AMZ1: variants seen among roughly 807,000 people sequenced by gnomAD.
AMZ1 encodes archaelysin family metallopeptidase 1.
Under a neutral mutation model 29.9 loss-of-function variants are expected in AMZ1, and 39 were observed. The observed-to-expected ratio is 1.30, with a 90% CI of 1.01 to 1.70. The LOEUF is 1.70. Ranked by LOEUF, AMZ1 falls within the 40% of genes most tolerant of loss-of-function variation. AMZ1 has a pLI of 0.00. For missense variants in AMZ1, 1,041 were observed against 680.6 expected (o/e 1.53, Z -5.89); for synonymous variants, 458 against 304.0 (o/e 1.51, Z -5.27).
In AMZ1 at chr7:2,700,523, T is replaced by C. The variant is rs748124302; in HGVS notation, c.72T>C (p.Thr24=). Reference sequence around the variant, plus strand: ...CCTTGAAGGACGCTCTGGTCTCCACTGACGCAGCCCTGCAGCAGCTGTATG... The same window carrying C: ...CCTTGAAGGACGCTCTGGTCTCCACCGACGCAGCCCTGCAGCAGCTGTATG... ...PRALKDALVS[T]DAALQQLYVS... is the part of the protein sequence containing the mutation. Residue 24 remains threonine (T), a synonymous_variant, in exon 2 of 7, where the codon ACT becomes ACC. Coordinates refer to ENST00000683327, the MANE Select transcript of AMZ1 (RefSeq NM_001384743.1). 1.9e-6 allele frequency: 3 copies of C among 1,608,032 alleles called. No homozygotes were observed. The highest frequency in any genetic ancestry group is 2.2e-5 in the East Asian group (1 of 44,870).
chr7:2,736,646 C>T (rs530027121), intron 4 of AMZ1, among the ~76,000 whole-genome samples: 1 of 152,234 alleles, frequency 6.6e-6, no homozygotes, highest in Admixed American at 6.5e-5. Flanking sequence ...GGCCGACACA[C>T]GCCCATGAGG....
intron 4 of AMZ1, among the ~76,000 whole-genome samples, chr7:2,750,757 T>C (rs946765840): frequency 1.3e-5 from 2 of 152,200 alleles, no homozygotes; most frequent in Admixed American, 6.5e-5. Context: ...AGGGGGACTA[T>C]CGGACAGGCA....
chr7:2,692,091 C>G (rs1007176124), intron 1 of AMZ1, among the ~76,000 whole-genome samples: 1 of 152,200 alleles, frequency 6.6e-6, no homozygotes, highest in Non-Finnish European at 1.5e-5. Context: ...CACCGGTACC[C>G]AGAAACTACA....
intron 3 of AMZ1, among the ~76,000 whole-genome samples, chr7:2,705,576 C>T (rs1788305508): frequency 6.6e-6 from 1 of 152,212 alleles, no homozygotes; most frequent in Non-Finnish European, 1.5e-5. Flanking sequence ...TGTTCTTTAT[C>T]ATTCACTCTG....
At chr7:2,762,696 G>A, upstream of AMZ1, 1 of 1,576,378 alleles carries the variant, frequency 6.3e-7, no homozygotes, top group Non-Finnish European at 8.6e-7. Flanking sequence ...ACGCTGCCCG[G>A]GTGGAGGAGC....
chr7:2,764,485 AGAC>A (rs1363611892), upstream of AMZ1: 1 of 152,186 alleles, frequency 6.6e-6, no homozygotes, highest in Non-Finnish European at 1.5e-5. Context: ...GAATCCTCTG[AGAC>A]GCCCCAGTTG....
In AMZ1 at chr7:2,700,368, C is replaced by G. The variant is rs1279315994; in HGVS notation, c.-84C>G. ...ACTCGGATCAGCCCGAGGGAAGATTCTGGACGAGACCGTGGCCGTCCCCCG... is the reference window on the plus strand; with the variant it reads ...ACTCGGATCAGCCCGAGGGAAGATTGTGGACGAGACCGTGGCCGTCCCCCG... On this transcript the variant is annotated 5_prime_UTR_variant, in exon 2 of 7. Transcript: ENST00000683327. The G allele has an allele frequency of 6.7e-7, 1 of 1,485,924 alleles. No homozygotes were observed. The highest frequency in any genetic ancestry group is 9.0e-7 in the Non-Finnish European group (1 of 1,109,194). The allele number at this position is 1,485,924 out of a possible 1,614,324, so 92.0% of individuals were successfully genotyped here.
intron 1 of AMZ1, among the ~76,000 whole-genome samples, chr7:2,682,301 A>G (rs1786911410): frequency 7.5e-6 from 1 of 133,198 alleles, no homozygotes; most frequent in African/African-American, 2.8e-5. Flanking sequence ...GGGGGGTGGG[A>G]ACTGCAGCTC....
At chr7:2,757,821 GT>G (rs1300740494) in intron 4 of AMZ1, among the ~76,000 whole-genome samples, 1 of 152,138 alleles carries the variant, frequency 6.6e-6, no homozygotes, top group Non-Finnish European at 1.5e-5. Context: ...CGCTTGCTGA[GT>G]CAATGAAGAC....
rs74422448 is a variant in AMZ1 at position 2,714,194 on chromosome 7, G to A, written c.*1316G>A. 2,256 of 152,420 alleles carry A rather than the reference G, an allele frequency of 0.015. 29 individuals are homozygous for A. The highest frequency in any genetic ancestry group is 0.025 in the Non-Finnish European group (1,726 of 68,050). The allele number at this position is 152,420 out of a possible 1,614,324, so 9.4% of individuals were successfully genotyped here. ...TGACGAGGGCGGGGTCACAGCTCGCGCACCCTCATCTGGAGAGAGGCAAGA... is the reference window on the plus strand; with the variant it reads ...TGACGAGGGCGGGGTCACAGCTCGCACACCCTCATCTGGAGAGAGGCAAGA... On this transcript the variant is annotated 3_prime_UTR_variant, in exon 7 of 7. Transcript: ENST00000683327.
chr7:2,722,271 C>T (rs769529529), downstream of AMZ1, among the ~76,000 whole-genome samples: 2 of 143,216 alleles, frequency 1.4e-5, no homozygotes, highest in South Asian at 2.1e-4. Context: ...AAGGGCATTT[C>T]GAATTTTTTT....
intron 1 of AMZ1, among the ~76,000 whole-genome samples, chr7:2,691,378 C>T (rs566339043): frequency 6.7e-6 from 1 of 148,202 alleles, no homozygotes; most frequent in African/African-American, 2.6e-5. Context: ...CTCTCTGAGC[C>T]TCAGTCTCCT....
At chr7:2,727,541 G>C (rs763217032) in intron 4 of AMZ1, among the ~76,000 whole-genome samples, 9 of 151,990 alleles carry the variant, frequency 5.9e-5, no homozygotes, top group Admixed American at 1.3e-4. Flanking sequence ...ATGCCCAGCT[G>C]ATTCTATCCG....
chr7:2,756,604 C>CACAA (rs1415305327), intron 4 of AMZ1, among the ~76,000 whole-genome samples: 1 of 127,044 alleles, frequency 7.9e-6, no homozygotes, highest in African/African-American at 2.8e-5. Flanking sequence ...GAGACCCTGT[C>CACAA]TCAAACAAAC....
At chr7:2,757,806 C>A (rs115187003) in intron 4 of AMZ1, among the ~76,000 whole-genome samples, 3 of 152,196 alleles carry the variant, frequency 2.0e-5, no homozygotes, top group Non-Finnish European at 2.9e-5. Flanking sequence ...TTAGTACGTA[C>A]TGAACGCTTG....
intron 6 of AMZ1, among the ~76,000 whole-genome samples, chr7:2,711,269 G>A (rs1273483305): frequency 6.6e-6 from 1 of 152,244 alleles, no homozygotes; most frequent in Admixed American, 6.5e-5. Flanking sequence ...AGGGCTTGGG[G>A]AGGTGCTGGA....
rs548730229 is a variant in AMZ1, at chr7:2,718,948, C to T, written c.*6070C>T. ...GGCAGGGGTACAGGAGAGCTCCGGC[C>T]ATTTATTCCAAATGTATGAGCAGGA... On this transcript the variant is annotated 3_prime_UTR_variant, in exon 7 of 7. Transcript: ENST00000683327. 3.3e-5 allele frequency among the ~76,000 whole-genome samples: 5 copies of T among 151,828 alleles called. No homozygotes were observed. Among genetic ancestry groups the T allele is most frequent in the Non-Finnish European group, 7.4e-5 (5 of 68,002 alleles).
At chr7:2,721,929 C>T (rs1422118578), downstream of AMZ1, among the ~76,000 whole-genome samples, 1 of 152,232 alleles carries the variant, frequency 6.6e-6, no homozygotes, top group Non-Finnish European at 1.5e-5. Context: ...ATATCTTAAC[C>T]TCGTACACTG....
chr7:2,759,185 AAAT>A (rs1562411330), intron 4 of AMZ1, among the ~76,000 whole-genome samples: 15 of 146,104 alleles, frequency 1.0e-4, no homozygotes, highest in South Asian at 8.7e-4. Context: ...ATAAATAAAT[AAAT>A]AAAATAAAAA....
Sources: allele counts gnomAD v4.1 joint callset (sites outside exome capture counted in the v4.1 genomes callset), GRCh38; gene constraint gnomAD v4.1.1; transcripts MANE v1.5; gene names NCBI Gene and HGNC (gene_info 2026-07-23, HGNC 2026-07-21).